Variants in CCDC146 observed in about 807,000 individuals in gnomAD.
The protein encoded by CCDC146 is coiled-coil domain-containing protein 146.
A neutral mutation model predicts 119.3 loss-of-function variants in CCDC146; 92 were observed. That is an observed-to-expected ratio of 0.77 (90% CI 0.65 to 0.92). The LOEUF (loss-of-function observed/expected upper bound fraction) is 0.92, where lower values mean the gene tolerates loss of function less well. CCDC146 is among the 40% of genes least tolerant of loss of function. The pLI, the probability that CCDC146 is intolerant of heterozygous loss-of-function variation, is 0.00. For missense variants in CCDC146, 1,000 were observed against 1,103.0 expected (o/e 0.91, Z 1.32); for synonymous variants, 372 against 371.8 (o/e 1.00, Z -0.01).
chr7:77,140,459 C>A (rs1038654680), intron 1 of CCDC146, among the ~76,000 whole-genome samples: 3 of 152,210 alleles, frequency 2.0e-5, no homozygotes, highest in Non-Finnish European at 4.4e-5. Context: ...ATGGTCAGTT[C>A]TGATGAGGCT....
rs866538539 is a variant in CCDC146 at position 77,183,737 on chromosome 7, C to T, written c.156+15913C>T. Reference sequence around the variant, plus strand: ...CTCTCCGCATAGTGCTTGCACTTACCTCATGTCACTTATTTTCTTTCCTGT... The same window carrying T: ...CTCTCCGCATAGTGCTTGCACTTACTTCATGTCACTTATTTTCTTTCCTGT... On this transcript the variant is annotated intron_variant, in intron 2 of 18. Transcript: ENST00000285871. Among the ~76,000 whole-genome samples the T allele has an allele frequency of 5.3e-5, 8 of 152,306 alleles. No homozygotes were observed. The South Asian group carries it at 1.0e-3, about 20-fold the overall frequency.
At chr7:77,240,315 C>T (rs17804370) in intron 3 of CCDC146, among the ~76,000 whole-genome samples, 16,070 of 152,210 alleles carry the variant, frequency 0.11, 1,108 homozygotes, top group Non-Finnish European at 0.16. Flanking sequence ...GGTATTCCTC[C>T]GCATCTGCCA....
chr7:77,190,135 T>C (rs1186404402), intron 2 of CCDC146, among the ~76,000 whole-genome samples: 2 of 152,234 alleles, frequency 1.3e-5, no homozygotes, highest in African/African-American at 2.4e-5. Flanking sequence ...CCAGCATTTC[T>C]ATCTCCATAA....
intron 2 of CCDC146, among the ~76,000 whole-genome samples, chr7:77,218,319 A>G (rs920411336): frequency 6.6e-6 from 1 of 150,712 alleles, no homozygotes; most frequent in South Asian, 2.1e-4. Flanking sequence ...ATTATATGCA[A>G]TAGATACATA....
chr7:77,143,323 G>A (rs1304418545), intron 1 of CCDC146, among the ~76,000 whole-genome samples: 1 of 151,750 alleles, frequency 6.6e-6, no homozygotes, highest in African/African-American at 2.4e-5. Context: ...TTAGCCCTTT[G>A]TCAGATGAGT....
intron 9 of CCDC146, among the ~76,000 whole-genome samples, chr7:77,271,513 GATATATATATATATAT>G (rs56661430): frequency 0.043 from 3,076 of 71,058 alleles, 92 homozygotes; most frequent in East Asian, 0.05. Flanking sequence ...ACTAATAGGA[GATATATATATATATAT>G]ATATATATAT....
Position 77,294,832 on chromosome 7 carries a change from T to G in CCDC146, c.2834T>G (p.Ile945Arg). The G allele has an allele frequency of 6.2e-7, 1 of 1,614,124 alleles. No homozygotes were observed. The change falls in exon 19 of 19, where the codon ATA becomes AGA. Residue 945 changes from isoleucine to arginine, a missense_variant. Around this residue, in one of 2 missense-constraint regions of CCDC146, gnomAD observed 985 missense variants for 1,045.3 expected, o/e 0.94. Transcript: ENST00000285871. ...PSEPGANMRH[I>R]RKPVIKPVEI Reference sequence around the variant, plus strand: ...GAACCTGGAGCCAATATGAGGCACATAAGGAAACCTGTTATAAAGCCAGTT... The same window carrying G: ...GAACCTGGAGCCAATATGAGGCACAGAAGGAAACCTGTTATAAAGCCAGTT...
intron 2 of CCDC146, among the ~76,000 whole-genome samples, chr7:77,171,026 C>G (rs1791412951): frequency 6.6e-6 from 1 of 152,200 alleles, no homozygotes; most frequent in African/African-American, 2.4e-5. Flanking sequence ...ACATTTCTGT[C>G]AAAATCCATC....
At chr7:77,199,865 G>A in intron 2 of CCDC146, 1 of 1,517,752 alleles carries the variant, frequency 6.6e-7, no homozygotes, top group Non-Finnish European at 8.9e-7. Context: ...AGCTGCCTGA[G>A]TCAGGCTTTC....
chr7:77,214,598 T>C (rs939037355), intron 2 of CCDC146, among the ~76,000 whole-genome samples: 1 of 152,200 alleles, frequency 6.6e-6, no homozygotes, highest in African/African-American at 2.4e-5. Context: ...CCTCTTGAGT[T>C]AATTTTTATA....
In CCDC146 at chr7:77,171,076, ACTACC is replaced by A. The variant is rs749061070; in HGVS notation, c.156+3255_156+3259del. 3.2e-4 allele frequency among the ~76,000 whole-genome samples: 48 copies of A among 152,192 alleles called. 1 individual carries two copies. Among genetic ancestry groups the A allele is most frequent in the Admixed American group, 2.1e-3 (32 of 15,278 alleles). On this transcript the variant is annotated intron_variant, in intron 2 of 18. Coordinates refer to ENST00000285871, the MANE Select transcript of CCDC146 (RefSeq NM_020879.3). Reference sequence around the variant, plus strand: ...GCAATAAAATTTCTACTTCTCCACCACTACCCTTAATAATCAAATCAAAAATAAGG... The same window carrying A: ...GCAATAAAATTTCTACTTCTCCACCACTTAATAATCAAATCAAAAATAAGG...
chr7:77,187,813 A>T (rs1046391325), intron 2 of CCDC146, among the ~76,000 whole-genome samples: 2 of 152,186 alleles, frequency 1.3e-5, no homozygotes, highest in African/African-American at 4.8e-5. Flanking sequence ...TAAATAGATT[A>T]AAAAATGAGC....
At chr7:77,202,450 G>C (rs1374736187) in intron 2 of CCDC146, among the ~76,000 whole-genome samples, 7 of 152,212 alleles carry the variant, frequency 4.6e-5, no homozygotes, top group African/African-American at 7.2e-5. Context: ...TCACACCCCA[G>C]TTAACCAAGG....
At chr7:77,291,170 C>T (rs1267202645) in intron 17 of CCDC146, among the ~76,000 whole-genome samples, 2 of 152,056 alleles carry the variant, frequency 1.3e-5, no homozygotes, top group Non-Finnish European at 2.9e-5. Context: ...AGCAGTGAGA[C>T]ATGATGTGAA....
At chr7:77,271,052 G>GAAAA (rs11294929) in intron 9 of CCDC146, among the ~76,000 whole-genome samples, 3 of 134,394 alleles carry the variant, frequency 2.2e-5, no homozygotes, top group Admixed American at 7.3e-5. Flanking sequence ...TGCAGCTCTG[G>GAAAA]AAAAAAAAAA....
intron 1 of CCDC146, among the ~76,000 whole-genome samples, chr7:77,158,695 T>C (rs1330373394): frequency 6.6e-6 from 1 of 152,080 alleles, no homozygotes; most frequent in Non-Finnish European, 1.5e-5. Flanking sequence ...AATTTTTGTA[T>C]TTTTAGTAGA....
At chr7:77,130,682 T>C (rs1790771097) in intron 1 of CCDC146, among the ~76,000 whole-genome samples, 1 of 144,652 alleles carries the variant, frequency 6.9e-6, no homozygotes, top group South Asian at 2.2e-4. Flanking sequence ...CACTGCAAGC[T>C]CCGCCTCCCA....
chr7:77,221,320 A>G (rs186807392), intron 2 of CCDC146, among the ~76,000 whole-genome samples: 1 of 152,326 alleles, frequency 6.6e-6, no homozygotes, highest in East Asian at 1.9e-4. Flanking sequence ...TTTTCAATTC[A>G]AAGGCTTTTA....
At chr7:77,293,402 A>G (rs944290544) in intron 18 of CCDC146, among the ~76,000 whole-genome samples, 2 of 152,240 alleles carry the variant, frequency 1.3e-5, no homozygotes, top group African/African-American at 4.8e-5. Flanking sequence ...ACTGAAGAAC[A>G]CTTAGCAAGC....
Sources: allele counts gnomAD v4.1 joint callset (sites outside exome capture counted in the v4.1 genomes callset), GRCh38; gene constraint gnomAD v4.1.1; regional missense constraint gnomAD v4.1.1; transcripts MANE v1.5; gene names NCBI Gene and HGNC (gene_info 2026-07-23, HGNC 2026-07-21).